SLC9A2: variants seen among roughly 807,000 people sequenced by gnomAD.
SLC9A2 encodes the protein sodium/hydrogen exchanger 2.
Under a neutral mutation model 71.7 loss-of-function variants are expected in SLC9A2, and 42 were observed. The ratio of observed to expected loss-of-function variants is 0.59; its 90% CI spans 0.46 to 0.76. SLC9A2 has a LOEUF of 0.76. Ranked by LOEUF, SLC9A2 falls within the 30% of genes least tolerant of loss-of-function variation. SLC9A2 has a pLI of 0.00. For missense variants in SLC9A2, 829 were observed against 1,017.4 expected, an observed-to-expected ratio of 0.81 and a Z score of 2.52; for synonymous variants, 396 against 392.5, an observed-to-expected ratio of 1.01 and a Z score of -0.10.
chr2:102,643,148 C>T (rs546031351), intron 1 of SLC9A2, among the ~76,000 whole-genome samples: 151 of 152,158 alleles, frequency 9.9e-4, no homozygotes, highest in Non-Finnish European at 1.9e-3. Flanking sequence ...AGTGGGTTGC[C>T]TTGTGGCTGG....
intron 2 of SLC9A2, among the ~76,000 whole-genome samples, chr2:102,663,063 T>A (rs553635619): frequency 1.3e-5 from 2 of 152,332 alleles, no homozygotes; most frequent in South Asian, 2.1e-4. Flanking sequence ...ATATAGCACA[T>A]CTGTGATCCT....
Position 102,677,513 on chromosome 2 carries a change from G to A in SLC9A2, c.1005-5748G>A, listed in dbSNP as rs191700378. On this transcript the variant is annotated intron_variant, in intron 3 of 11. Coordinates refer to ENST00000233969, the MANE Select transcript of SLC9A2 (RefSeq NM_003048.6). The stretch of plus-strand genomic sequence containing the variant: ...TAATAACATAGCAGGCTGCATCTGC[G>A]AATTTTGTGCATGCCTCATCTCCAC... 2.3e-3 allele frequency among the ~76,000 whole-genome samples: 351 copies of A among 152,286 alleles called. 1 individual carries two copies. Among genetic ancestry groups the A allele is most frequent in the Admixed American group, 4.5e-3 (69 of 15,300 alleles).
At chr2:102,624,969 C>T (rs1027928276) in intron 1 of SLC9A2, among the ~76,000 whole-genome samples, 5 of 152,106 alleles carry the variant, frequency 3.3e-5, no homozygotes, top group African/African-American at 1.2e-4. Context: ...TTTTCTTTGT[C>T]CTCTGGTTTT....
chr2:102,704,954 G>A (rs1367991472), intron 10 of SLC9A2, among the ~76,000 whole-genome samples: 3 of 152,148 alleles, frequency 2.0e-5, no homozygotes, highest in African/African-American at 4.8e-5. Context: ...CCAGCACTTT[G>A]GGAAGCCGAA....
rs1678059366 is a variant in SLC9A2, at chr2:102,709,394, G to A, written c.*905G>A. 1 of 152,574 alleles carries A rather than the reference G, an allele frequency of 6.6e-6. No individual in the cohort carries two copies. The highest frequency in any genetic ancestry group is 2.1e-4 in the South Asian group (1 of 4,824). The allele number at this position is 152,574 out of a possible 1,614,324, so 9.5% of individuals were successfully genotyped here. On this transcript the variant is annotated 3_prime_UTR_variant, in exon 12 of 12. Transcript: ENST00000233969. Reference sequence around the variant, plus strand: ...GGTTTTATGTTGTGCAATACTAGGAGGAGGAGGCAGGTGATCTATGCTGAT... The same window carrying A: ...GGTTTTATGTTGTGCAATACTAGGAAGAGGAGGCAGGTGATCTATGCTGAT...
At chr2:102,659,906 C>A (rs775980072) in intron 2 of SLC9A2, among the ~76,000 whole-genome samples, 1 of 152,188 alleles carries the variant, frequency 6.6e-6, no homozygotes, top group African/African-American at 2.4e-5. Context: ...GCAAAGGGAA[C>A]TTTACAAAGA....
intron 3 of SLC9A2, among the ~76,000 whole-genome samples, chr2:102,672,727 A>G (rs1341731556): frequency 2.0e-5 from 3 of 152,176 alleles, no homozygotes; most frequent in Non-Finnish European, 4.4e-5. Context: ...GTGGGAGGGA[A>G]AGTTGTGGCT....
At chr2:102,660,493 A>G (rs1371360466) in intron 2 of SLC9A2, among the ~76,000 whole-genome samples, 1 of 152,230 alleles carries the variant, frequency 6.6e-6, no homozygotes, top group Non-Finnish European at 1.5e-5. Context: ...CTCTCGCTGA[A>G]TTGTCTGAGT....
chr2:102,704,674 G>A lies in SLC9A2; in HGVS notation c.1976G>A (p.Arg659Lys). 1 of 1,610,332 alleles carries A rather than the reference G, an allele frequency of 6.2e-7. No individual in the cohort carries two copies. The highest frequency in any genetic ancestry group is 8.5e-7 in the Non-Finnish European group (1 of 1,177,532). Residue 659 changes from arginine (R) to lysine (K), a missense_variant and splice_region_variant, in exon 10 of 12, where the codon AGG becomes AAG. Physicochemically the swap from Arg to Lys is conservative, Grantham distance 26. Transcript: ENST00000233969. Reference sequence around the variant, plus strand: ...GACAGCAGCTTGAATCGAGAACACAGGGTAACTGAGTGTGCGCCTCTAGGA... The same window carrying A: ...GACAGCAGCTTGAATCGAGAACACAAGGTAACTGAGTGTGCGCCTCTAGGA... The part of the protein sequence containing the change: ...RKDSSLNREH[R>K]ASTSTSRYLS...
chr2:102,696,574 C>A (rs190447991), intron 7 of SLC9A2, among the ~76,000 whole-genome samples: 218 of 152,178 alleles, frequency 1.4e-3, no homozygotes, highest in African/African-American at 4.5e-3. Flanking sequence ...ACAACAAAAC[C>A]GTCACACAGC....
intron 1 of SLC9A2, among the ~76,000 whole-genome samples, chr2:102,635,676 A>G (rs1005259366): frequency 1.6e-4 from 25 of 152,226 alleles, no homozygotes; most frequent in African/African-American, 5.8e-4. Context: ...TATATTTTCA[A>G]TCATTTCACA....
At chr2:102,667,778 T>C (rs1390731708) in intron 3 of SLC9A2, among the ~76,000 whole-genome samples, 1 of 152,066 alleles carries the variant, frequency 6.6e-6, no homozygotes, top group African/African-American at 2.4e-5. Context: ...TTTAAACTAA[T>C]ATTGTCATTG....
chr2:102,649,691 C>T (rs1676794684), intron 1 of SLC9A2, among the ~76,000 whole-genome samples: 1 of 152,066 alleles, frequency 6.6e-6, no homozygotes, highest in African/African-American at 2.4e-5. Flanking sequence ...CAAAAGAAGA[C>T]ATTTATGTGG....
At chr2:102,645,408 C>A (rs1470803696) in intron 1 of SLC9A2, among the ~76,000 whole-genome samples, 1 of 152,072 alleles carries the variant, frequency 6.6e-6, no homozygotes, top group African/African-American at 2.4e-5. Flanking sequence ...CAAATGATAA[C>A]AACTCCTCTC....
At chr2:102,646,591 T>G (rs566219729) in intron 1 of SLC9A2, among the ~76,000 whole-genome samples, 12 of 151,462 alleles carry the variant, frequency 7.9e-5, no homozygotes, top group Admixed American at 2.0e-4. Context: ...AGGCTCAAAA[T>G]AAAGGGATGG....
In SLC9A2 at chr2:102,623,384, G is replaced by A. The variant is rs537157682; in HGVS notation, c.289+3247G>A. 5.9e-5 allele frequency among the ~76,000 whole-genome samples: 9 copies of A among 152,180 alleles called. No individual in the cohort carries two copies. In the East Asian group the frequency reaches 7.7e-4, roughly 13 times the overall value. On this transcript the variant is annotated intron_variant, in intron 1 of 11. Transcript: ENST00000233969. ...TGCCTGGGGTATTTTCTCCAGATTC[G>A]TCTGCATAGAGCCCAGCCTCGTCCT...
rs771839086 is a variant in SLC9A2, at chr2:102,684,172, A to G, written c.1261A>G (p.Thr421Ala). Residue 421 changes from threonine (T) to alanine (A), a missense_variant, in exon 5 of 12, where the codon ACC becomes GCC. Physicochemically the swap from Thr to Ala is moderately conservative, Grantham distance 58. Around this residue, in one of 3 missense-constraint regions of SLC9A2, gnomAD observed 500 missense variants for 726.3 expected, o/e 0.69. Coordinates refer to ENST00000233969, the MANE Select transcript of SLC9A2 (RefSeq NM_003048.6). ...VLTQVINRFR[T>A]IPLTFKDQFI... ...GACTCAGGTCATTAATAGGTTCCGGACCATTCCCCTGACCTTTAAGGACCA... is the reference window on the plus strand; with the variant it reads ...GACTCAGGTCATTAATAGGTTCCGGGCCATTCCCCTGACCTTTAAGGACCA... The G allele has an allele frequency of 6.2e-7, 1 of 1,614,094 alleles. No individual in the cohort carries two copies. The highest frequency in any genetic ancestry group is 8.5e-7 in the Non-Finnish European group (1 of 1,180,000).
intron 1 of SLC9A2, among the ~76,000 whole-genome samples, chr2:102,629,701 T>C (rs946612089): frequency 1.2e-4 from 18 of 152,126 alleles, no homozygotes; most frequent in Non-Finnish European, 2.4e-4. Flanking sequence ...TAATTATATA[T>C]TCTTTTGCTA....
chr2:102,640,417 C>T (rs530399189), intron 1 of SLC9A2, among the ~76,000 whole-genome samples: 5 of 152,296 alleles, frequency 3.3e-5, no homozygotes, highest in Admixed American at 2.0e-4. Context: ...AGATGACCAT[C>T]AAAAGTCCTG....
Sources: gnomAD v4.1 joint callset for allele counts (sites outside exome capture counted in the v4.1 genomes callset) on GRCh38, gnomAD v4.1.1 for gene constraint, gnomAD v4.1.1 regional missense constraint, MANE v1.5 for transcripts, NCBI Gene and HGNC (gene_info 2026-07-23, HGNC 2026-07-21) for gene names.